ZNF705G: variants seen among roughly 807,000 people sequenced by gnomAD.
ZNF705G encodes zinc finger protein 705G, also known as putative zinc finger protein 705G.
In ZNF705G, 23 loss-of-function variants were observed where a neutral mutation model predicts 19.6. The observed-to-expected ratio is 1.17, with a 90% CI of 0.84 to 1.66. The LOEUF is 1.66. Among genes scored for constraint, ZNF705G ranks in the 40% most tolerant of loss-of-function variants. The pLI is 0.00. For missense variants in ZNF705G, 457 were observed against 354.4 expected, an observed-to-expected ratio of 1.29 and a Z score of -2.32; for synonymous variants, 146 against 117.7, an observed-to-expected ratio of 1.24 and a Z score of -1.56.
intron 2 of ZNF705G, among the ~76,000 whole-genome samples, chr8:7,363,956 T>C (rs1308424128): frequency 6.7e-6 from 1 of 149,624 alleles, no homozygotes; most frequent in East Asian, 1.9e-4. Flanking sequence ...CCCCGAGTCA[T>C]GGTGTTTCTC....
intron 2 of ZNF705G, among the ~76,000 whole-genome samples, chr8:7,366,445 C>G (rs1179629277): frequency 6.7e-6 from 1 of 149,352 alleles, no homozygotes; most frequent in Admixed American, 6.6e-5. Flanking sequence ...AAGGAATATG[C>G]AACATATTTA....
rs763293550 is a variant in ZNF705G, at chr8:7,361,131, T to C, written c.118A>G (p.Ile40Val). The part of the protein sequence containing the change: ...KLYRDVMLEN[I>V]SHLVSLGYQI... ...TCACCGAGGGACACCAGGTGACTGA[T>C]ATTTTCCAGCATCACATCTCTGTAC... Residue 40 changes from isoleucine (I) to valine (V), a missense_variant, in exon 4 of 7, where the codon ATC becomes GTC. By Grantham distance (29) the Ile-to-Val change is conservative. Transcript: ENST00000400156. 7.5e-6 allele frequency: 12 copies of C among 1,592,948 alleles called. No individual in the cohort carries two copies. The highest frequency in any genetic ancestry group is 1.0e-5 in the Non-Finnish European group (12 of 1,179,446).
chr8:7,365,736 G>A (rs1428237533), intron 2 of ZNF705G, among the ~76,000 whole-genome samples: 1 of 149,374 alleles, frequency 6.7e-6, no homozygotes, highest in Non-Finnish European at 1.5e-5. Context: ...AATATTTTAA[G>A]GACACCCGTA....
At chr8:7,381,866 A>G (rs1290528290) in intron 1 of ZNF705G, among the ~76,000 whole-genome samples, 2 of 151,074 alleles carry the variant, frequency 1.3e-5, no homozygotes, top group Admixed American at 6.6e-5. Flanking sequence ...AAATCTGCGC[A>G]TGTACCTACT....
In ZNF705G at chr8:7,366,218, T is replaced by A. The variant is rs554366999; in HGVS notation, c.-71-3201A>T. Among the ~76,000 whole-genome samples the A allele has an allele frequency of 1.3e-4, 13 of 96,356 alleles. 2 individuals carry two copies. Among genetic ancestry groups the A allele is most frequent in the African/African-American group, 5.2e-4 (13 of 25,138 alleles). The allele number at this position is 96,356 out of a possible 152,430, so 63.2% of individuals were successfully genotyped here. On this transcript the variant is annotated intron_variant, in intron 2 of 6. Transcript: ENST00000400156. The stretch of plus-strand genomic sequence containing the variant: ...ACACTATAAATGGAAAATCCTATTA[T>A]CTTGACAGGATTGCAAGCCTCTCAT...
At chr8:7,360,076 T>A (rs1296484147) in intron 5 of ZNF705G, among the ~76,000 whole-genome samples, 161 bp downstream of exon 5, 3 of 149,388 alleles carry the variant, frequency 2.0e-5, no homozygotes, top group Non-Finnish European at 2.9e-5. Context: ...ATCTGACACA[T>A]GAACAAAATG....
chr8:7,356,563 G>A lies in ZNF705G; in HGVS notation c.*1413C>T, dbSNP rs1161288712. 6.0e-5 allele frequency: 9 copies of A among 149,612 alleles called. No individual in the cohort carries two copies. Among genetic ancestry groups the A allele is most frequent in the Non-Finnish European group, 1.3e-4 (9 of 68,022 alleles). 9.3% of individuals were successfully genotyped at this position (149,612 alleles called of 1,614,324 possible). The stretch of plus-strand genomic sequence containing the variant: ...ATGCAATGACACACTGAGAAATCTA[G>A]CAAGTGGGGCTGAAGATCCCTGGTG... On this transcript the variant is annotated 3_prime_UTR_variant, in exon 7 of 7. Transcript: ENST00000400156.
At chr8:7,364,790 T>C (rs1806782780) in intron 2 of ZNF705G, among the ~76,000 whole-genome samples, 1 of 149,514 alleles carries the variant, frequency 6.7e-6, no homozygotes, top group Admixed American at 6.6e-5. Context: ...TCCAGTAACA[T>C]ATGACTCCAT....
intron 2 of ZNF705G, among the ~76,000 whole-genome samples, chr8:7,365,426 T>G (rs1806812126): frequency 1.4e-5 from 2 of 144,688 alleles, no homozygotes; most frequent in Admixed American, 1.4e-4. Context: ...TTGCCCAGGC[T>G]GGAGTGCAGT....
rs1390731255 is a variant in ZNF705G at position 7,382,717 on chromosome 8, T to C, written c.-221-1116A>G. On this transcript the variant is annotated intron_variant, in intron 1 of 6. Transcript: ENST00000400156. ...ATGGATTAAATTAACCAACATTTAATACCACTGACATTACCTTATTTCAAG... is the reference window on the plus strand; with the variant it reads ...ATGGATTAAATTAACCAACATTTAACACCACTGACATTACCTTATTTCAAG... Among the ~76,000 whole-genome samples the C allele has an allele frequency of 2.7e-5, 4 of 146,728 alleles. 1 individual carries two copies. Among genetic ancestry groups the C allele is most frequent in the African/African-American group, 8.3e-5 (3 of 36,200 alleles).
intron 4 of ZNF705G, among the ~76,000 whole-genome samples, chr8:7,360,672 C>T (rs1806533479): frequency 6.7e-6 from 1 of 149,030 alleles, no homozygotes; most frequent in Admixed American, 6.6e-5. Context: ...TATTCTCACG[C>T]ACAACAAAAA....
In ZNF705G at chr8:7,357,987, T is replaced by C. The variant is rs547548873; in HGVS notation, c.892A>G (p.Asn298Asp). 1.8e-4 allele frequency: 288 copies of C among 1,609,004 alleles called. 14 individuals carry two copies. The highest frequency in any genetic ancestry group is 1.2e-3 in the African/African-American group (89 of 71,346). The change falls in exon 7 of 7, where the codon AAC (asparagine) becomes GAC (aspartate). Residue 298 changes from asparagine to aspartate, a missense_variant. By Grantham distance (23) the Asn-to-Asp change is conservative (BLOSUM62 1). Coordinates refer to ENST00000400156, the MANE Select transcript of ZNF705G (RefSeq NM_001164457.3). ...CGTGTTCTCTCATGTCATCTAAGGTTGGAAGACAGACTGAAGGCCTTCCCA... is the reference window on the plus strand; with the variant it reads ...CGTGTTCTCTCATGTCATCTAAGGTCGGAAGACAGACTGAAGGCCTTCCCA... ...LCGKAFSLSSNLR is the reference protein window; with the variant it reads ...LCGKAFSLSSDLR
rs184171065 is a variant in ZNF705G at position 7,380,360 on chromosome 8, G to A, written c.-72+1092C>T. ...CAACCCACACTGCTGTCTGTCATTG[G>A]CACCTGTGCATGCCTTCTTGTGAAC... On this transcript the variant is annotated intron_variant, in intron 2 of 6. Coordinates refer to ENST00000400156, the MANE Select transcript of ZNF705G (RefSeq NM_001164457.3). Among the ~76,000 whole-genome samples, 233 of 147,488 alleles carry A rather than the reference G, an allele frequency of 1.6e-3. 4 individuals are homozygous for A. Among genetic ancestry groups the A allele is most frequent in the Admixed American group, 2.5e-3 (38 of 15,216 alleles).
At position 7,357,627 on chromosome 8, in the gene ZNF705G, G is replaced by A. The variant is rs201410376; in HGVS notation, c.*349C>T. 188 of 414,728 alleles carry A rather than the reference G, an allele frequency of 4.5e-4. No individual in the cohort carries two copies. Among genetic ancestry groups the A allele is most frequent in the Admixed American group, 1.0e-3 (25 of 24,396 alleles). 25.7% of individuals were successfully genotyped at this position (414,728 alleles called of 1,614,324 possible). A position where few individuals can be genotyped will look rare whatever the true frequency, so the allele number is the denominator to read the frequency against. ...TCACTTATGCTCAGATCACTAACAA[G>A]TCTTTGGTACATACATGTCATACAA... On this transcript the variant is annotated 3_prime_UTR_variant, in exon 7 of 7. Transcript: ENST00000400156.
chr8:7,380,853 C>T (rs1406206350), intron 2 of ZNF705G, among the ~76,000 whole-genome samples: 2 of 143,192 alleles, frequency 1.4e-5, no homozygotes, highest in Non-Finnish European at 1.5e-5. Context: ...AACTCCATCT[C>T]TACTAAAGAC....
At chr8:7,383,749 AC>A (rs1451823815) in intron 1 of ZNF705G, among the ~76,000 whole-genome samples, 2 of 149,304 alleles carry the variant, frequency 1.3e-5, no homozygotes, top group Non-Finnish European at 2.9e-5. Context: ...TGTACCTTTC[AC>A]CACATAACAA....
rs1806194817 is a variant in ZNF705G at position 7,355,871 on chromosome 8, T to G, written c.*2105A>C. ...AACCAGTTTGCCAAGGGCTTGAATT[T>G]CTTGCTCATTATCCTCACACTTGAC... On this transcript the variant is annotated 3_prime_UTR_variant, in exon 7 of 7. Transcript: ENST00000400156. 6.7e-6 allele frequency: 1 copy of G among 149,634 alleles called. No homozygotes were observed. The highest frequency in any genetic ancestry group is 2.6e-5 in the African/African-American group (1 of 39,020). 9.3% of individuals were successfully genotyped at this position (149,634 alleles called of 1,614,324 possible). A position where few individuals can be genotyped will look rare whatever the true frequency, so the allele number is the denominator to read the frequency against.
chr8:7,370,044 A>AT (rs61572231), intron 2 of ZNF705G, among the ~76,000 whole-genome samples: 92,948 of 146,234 alleles, frequency 0.64, 26,220 homozygotes, highest in Admixed American at 0.69. Flanking sequence ...TAAAAGTTGA[A>AT]TTTTTTTTTA....
chr8:7,385,327 A>G (rs1807678180), intron 1 of ZNF705G, among the ~76,000 whole-genome samples, 171 bp downstream of exon 1: 1 of 148,812 alleles, frequency 6.7e-6, no homozygotes, highest in South Asian at 2.1e-4. Flanking sequence ...GCAAATAATG[A>G]TGGTGATAAT....
Sources: allele counts gnomAD v4.1 joint callset (sites outside exome capture counted in the v4.1 genomes callset), GRCh38; gene constraint gnomAD v4.1.1; transcripts MANE v1.5; gene names NCBI Gene and HGNC (gene_info 2026-07-23, HGNC 2026-07-21).